DENND5B: variants seen among roughly 807,000 people sequenced by gnomAD.
DENND5B encodes DENN domain containing 5B.
DENND5B carries 34 observed loss-of-function variants against 140.6 expected under a neutral mutation model. The observed-to-expected ratio is 0.24, with a 90% CI of 0.18 to 0.32. The LOEUF (loss-of-function observed/expected upper bound fraction) is 0.32. DENND5B is among the 10% of genes least tolerant of loss of function. The pLI, the probability that DENND5B is intolerant of heterozygous loss-of-function variation, is 1.00. For missense variants in DENND5B, 1,142 were observed against 1,560.2 expected (o/e 0.73, Z 4.52); for synonymous variants, 551 against 562.1 (o/e 0.98, Z 0.28).
chr12:31,519,402 TAA>T (rs1947796221), intron 1 of DENND5B, among the ~76,000 whole-genome samples: 1 of 152,198 alleles, frequency 6.6e-6, no homozygotes, highest in Non-Finnish European at 1.5e-5. Flanking sequence ...CAACTCTGTC[TAA>T]AAACTTTGTT....
intron 3 of DENND5B, among the ~76,000 whole-genome samples, chr12:31,475,852 G>A (rs1272248): frequency 3.5e-4 from 54 of 152,160 alleles, no homozygotes; most frequent in African/African-American, 9.9e-4. Context: ...GGCCGGGTGC[G>A]GTGGCTTACA....
At chr12:31,554,081 T>C (rs1416012855) in intron 1 of DENND5B, among the ~76,000 whole-genome samples, 2 of 152,232 alleles carry the variant, frequency 1.3e-5, no homozygotes, top group Admixed American at 6.5e-5. Context: ...TTAATATTGT[T>C]ATGTGTGAAT....
intron 1 of DENND5B, among the ~76,000 whole-genome samples, chr12:31,581,665 C>T (rs1489545189): frequency 6.8e-6 from 1 of 146,994 alleles, no homozygotes; most frequent in Non-Finnish European, 1.5e-5. Flanking sequence ...TGCCCTCCAG[C>T]CTGGGCAACA....
intron 1 of DENND5B, among the ~76,000 whole-genome samples, chr12:31,579,470 G>A (rs1336281579): frequency 6.6e-6 from 1 of 151,974 alleles, no homozygotes; most frequent in Admixed American, 6.6e-5. Flanking sequence ...AAGCCAGCCT[G>A]GCCAACAAGC....
intron 2 of DENND5B, among the ~76,000 whole-genome samples, chr12:31,489,606 A>G (rs1388910894): frequency 6.6e-6 from 1 of 152,228 alleles, no homozygotes; most frequent in Non-Finnish European, 1.5e-5. Flanking sequence ...CAACAATTTG[A>G]ACATCTACTA....
At chr12:31,515,057 A>G (rs1947574846) in intron 1 of DENND5B, among the ~76,000 whole-genome samples, 1 of 152,198 alleles carries the variant, frequency 6.6e-6, no homozygotes, top group East Asian at 1.9e-4. Context: ...CAGAAGTTCA[A>G]GGCTGCAGTC....
At chr12:31,574,442 T>A (rs1949941889) in intron 1 of DENND5B, among the ~76,000 whole-genome samples, 1 of 151,646 alleles carries the variant, frequency 6.6e-6, no homozygotes. Flanking sequence ...ATACAAAAGT[T>A]AGCTGGGCAT....
At chr12:31,398,061 C>T in intron 17 of DENND5B, 114 bp downstream of exon 17, 3 of 1,029,010 alleles carry the variant, frequency 2.9e-6, no homozygotes, top group Non-Finnish European at 3.9e-6. Context: ...TTTTCCTCAA[C>T]TTTCTTCTTT....
chr12:31,456,593 G>C (rs539271433), intron 4 of DENND5B, among the ~76,000 whole-genome samples: 1 of 152,188 alleles, frequency 6.6e-6, no homozygotes, highest in Non-Finnish European at 1.5e-5. Flanking sequence ...TAGTGTATGA[G>C]ACAACTGTTT....
At chr12:31,470,686 G>A (rs1188089977) in intron 3 of DENND5B, among the ~76,000 whole-genome samples, 2 of 152,224 alleles carry the variant, frequency 1.3e-5, no homozygotes, top group Admixed American at 6.5e-5. Context: ...TAAACCTGTG[G>A]AGTCTGACAT....
At chr12:31,443,059 T>C in intron 6 of DENND5B, 134 bp from the exon 7 acceptor site, 1 of 820,638 alleles carries the variant, frequency 1.2e-6, no homozygotes, top group Non-Finnish European at 1.8e-6. Flanking sequence ...TGTGTGTGTG[T>C]GTGTGCACGC....
chr12:31,399,752 C>G lies in DENND5B; in HGVS notation c.2970G>C (p.Leu990=). ...MTFECQNLGK[L]TTVQIGHDNS... is the part of the protein sequence containing the mutation. ...TATCGTGACCAATCTGAACAGTGGT[C>G]AGCTTCCCCAAGTTCTGGCACTGTA... The change falls in exon 16 of 21, where the codon CTG becomes CTC. Residue 990 remains leucine, a synonymous_variant. Coordinates refer to ENST00000389082, the MANE Select transcript of DENND5B (RefSeq NM_144973.4). The G allele has an allele frequency of 6.2e-7, 1 of 1,613,588 alleles. No individual in the cohort carries two copies. The highest frequency in any genetic ancestry group is 8.5e-7 in the Non-Finnish European group (1 of 1,179,714).
intron 1 of DENND5B, among the ~76,000 whole-genome samples, chr12:31,498,470 A>C (rs1044936285): frequency 9.9e-5 from 15 of 152,268 alleles, no homozygotes; most frequent in African/African-American, 2.9e-4. Context: ...AGAAAGAAAT[A>C]ATTTTACAAA....
chr12:31,585,629 TTAATC>T (rs923311242), intron 1 of DENND5B, among the ~76,000 whole-genome samples: 5 of 152,186 alleles, frequency 3.3e-5, no homozygotes, highest in Non-Finnish European at 7.3e-5. Flanking sequence ...GAGAGGGCCC[TTAATC>T]TCTGAGCCTC....
chr12:31,579,529 C>T (rs996880715), intron 1 of DENND5B, among the ~76,000 whole-genome samples: 9 of 152,014 alleles, frequency 5.9e-5, no homozygotes, highest in Admixed American at 1.3e-4. Context: ...GGCTTGGTGG[C>T]GAGTGCCTGT....
intron 1 of DENND5B, among the ~76,000 whole-genome samples, chr12:31,531,058 T>C (rs1301614130): frequency 6.6e-6 from 1 of 152,238 alleles, no homozygotes; most frequent in Non-Finnish European, 1.5e-5. Context: ...AAGAAATGCA[T>C]GCTTTCCTGA....
In DENND5B at chr12:31,546,462, G is replaced by A. The variant is rs543727800; in HGVS notation, c.127+44244C>T. On this transcript the variant is annotated intron_variant, in intron 1 of 20. Coordinates refer to ENST00000389082, the MANE Select transcript of DENND5B (RefSeq NM_144973.4). ...AGCACTCTGGAAGGCTAAGGTGAGT[G>A]GATCACTTGAGGTCAGGAGTTCGAG... Among the ~76,000 whole-genome samples the A allele has an allele frequency of 4.9e-4, 74 of 152,208 alleles. 1 individual carries two copies. In the South Asian group the frequency reaches 0.011, roughly 23 times the overall value.
At chr12:31,489,939 T>C in intron 2 of DENND5B, among the ~76,000 whole-genome samples, 1 of 152,064 alleles carries the variant, frequency 6.6e-6, no homozygotes, top group East Asian at 1.9e-4. Flanking sequence ...GCAGAAGCTA[T>C]AGTATGAGGA....
At chr12:31,409,227 C>A (rs1464248817) in intron 14 of DENND5B, 36 bp downstream of exon 14, 3 of 1,534,030 alleles carry the variant, frequency 2.0e-6, no homozygotes, top group Non-Finnish European at 2.6e-6. Flanking sequence ...CATTGGTCAC[C>A]TCAGTAACCC....
Sources: gnomAD v4.1 joint callset for allele counts (sites outside exome capture counted in the v4.1 genomes callset) on GRCh38, gnomAD v4.1.1 for gene constraint, MANE v1.5 for transcripts, NCBI Gene and HGNC (gene_info 2026-07-23, HGNC 2026-07-21) for gene names.